LRP8: variants seen among roughly 807,000 people sequenced by gnomAD.
LRP8 encodes low-density lipoprotein receptor-related protein 8.
In LRP8, 46 loss-of-function variants were observed where a neutral mutation model predicts 111.6. That is an observed-to-expected ratio of 0.41 (90% CI 0.33 to 0.53). The LOEUF (loss-of-function observed/expected upper bound fraction) is 0.53. Ranked by LOEUF, LRP8 falls within the 20% of genes least tolerant of loss-of-function variation. The pLI is 0.20. For missense variants in LRP8, 959 were observed against 1,297.4 expected, an observed-to-expected ratio of 0.74 and a Z score of 4.01; for synonymous variants, 464 against 511.2, an observed-to-expected ratio of 0.91 and a Z score of 1.24.
chr1:53,302,943 A>T (rs1038123104), intron 2 of LRP8, among the ~76,000 whole-genome samples: 4 of 151,198 alleles, frequency 2.6e-5, no homozygotes, highest in Non-Finnish European at 5.9e-5. Flanking sequence ...CAGGTGATCC[A>T]GAGTCAGGGC....
chr1:53,259,204 T>C (rs1465151582), intron 13 of LRP8, among the ~76,000 whole-genome samples: 2 of 152,244 alleles, frequency 1.3e-5, no homozygotes, highest in African/African-American at 2.4e-5. Context: ...CTCAAACTCC[T>C]GGGCTTAAGA....
chr1:53,302,608 G>A (rs907693027), intron 2 of LRP8, among the ~76,000 whole-genome samples: 1 of 151,802 alleles, frequency 6.6e-6, no homozygotes, highest in East Asian at 1.9e-4. Flanking sequence ...TCCACCTCTC[G>A]CTTTTTCCTT....
At position 53,326,952 on chromosome 1, in the gene LRP8, C is replaced by G. The variant is rs766135174; in HGVS notation, c.165G>C (p.Arg55=). Residue 55 remains arginine, a synonymous_variant, in exon 2 of 19, where the codon CGG becomes CGC. Coordinates refer to ENST00000306052, the MANE Select transcript of LRP8 (RefSeq NM_004631.5). ...KDCEKDQFQC[R]NERCIPSVWR... The stretch of plus-strand genomic sequence containing the variant: ...ACACAGAGGGGATGCAGCGCTCGTT[C>G]CGGCACTGGAATTGGTCCTTTTCGC... The G allele has an allele frequency of 6.8e-6, 11 of 1,613,760 alleles. No individual in the cohort carries two copies. Among genetic ancestry groups the G allele is most frequent in the Non-Finnish European group, 8.5e-6 (10 of 1,180,010 alleles).
At position 53,243,843 on chromosome 1, in the gene LRP8, T is replaced by C. The variant is rs896169097; in HGVS notation, c.*3175A>G. 2.0e-5 allele frequency: 3 copies of C among 152,376 alleles called. No homozygotes were observed. Among genetic ancestry groups the C allele is most frequent in the Non-Finnish European group, 2.9e-5 (2 of 68,052 alleles). 9.4% of individuals were successfully genotyped at this position (152,376 alleles called of 1,614,324 possible). On this transcript the variant is annotated 3_prime_UTR_variant, in exon 19 of 19. Coordinates refer to ENST00000306052, the MANE Select transcript of LRP8 (RefSeq NM_004631.5). ...TCTCCTTTGAGCCCTAACAGTGCTC[T>C]GAATAGAATCAATGCCTTTTTTGTT...
Position 53,242,607 on chromosome 1 carries a change from A to G in LRP8, c.*4411T>C, listed in dbSNP as rs1343889380. 1 of 152,208 alleles carries G rather than the reference A, an allele frequency of 6.6e-6. No homozygotes were observed. The highest frequency in any genetic ancestry group is 1.5e-5 in the Non-Finnish European group (1 of 68,032). 9.4% of individuals were successfully genotyped at this position (152,208 alleles called of 1,614,324 possible). ...AGTTAGTGTGACACAACATTCTAAC[A>G]TGCCTGATTCTTACATCAAATATGG... On this transcript the variant is annotated 3_prime_UTR_variant, in exon 19 of 19. Transcript: ENST00000306052.
chr1:53,255,291 A>C lies in LRP8; in HGVS notation c.2435-106T>G. On this transcript the variant is annotated intron_variant, in intron 15 of 18. Transcript: ENST00000306052. ...CCCAACTGCTGCTCATCCTCATTCTAAAATGATGATCCTGGCTGTTGCCTA... is the reference window on the plus strand; with the variant it reads ...CCCAACTGCTGCTCATCCTCATTCTCAAATGATGATCCTGGCTGTTGCCTA... 4 of 912,774 alleles carry C rather than the reference A, an allele frequency of 4.4e-6. No individual in the cohort carries two copies. The South Asian group carries it at 5.6e-5, about 13-fold the overall frequency. 56.5% of individuals were successfully genotyped at this position (912,774 alleles called of 1,614,324 possible).
At chr1:53,281,541 G>A (rs907015107) in intron 3 of LRP8, among the ~76,000 whole-genome samples, 3 of 152,216 alleles carry the variant, frequency 2.0e-5, no homozygotes, top group African/African-American at 7.2e-5. Context: ...TCTAGGATGT[G>A]CCAGGCATGG....
intron 2 of LRP8, among the ~76,000 whole-genome samples, chr1:53,290,826 C>CCCCA (rs1341145046): frequency 1.3e-5 from 2 of 152,102 alleles, no homozygotes; most frequent in African/African-American, 4.8e-5. Context: ...GCCTGGCTAC[C>CCCCA]CCCAGTAGGT....
Position 53,242,858 on chromosome 1 carries a change from T to TATACACACAC in LRP8, c.*4159_*4160insGTGTGTGTAT, listed in dbSNP as rs56722919. On this transcript the variant is annotated 3_prime_UTR_variant, in exon 19 of 19. Transcript: ENST00000306052. ...TTAAATATATATATATATATATATA[T>TATACACACAC]ACACACACACACACGTGGCTTTTTA... 4.3e-5 allele frequency: 6 copies of TATACACACAC among 140,572 alleles called. No individual in the cohort carries two copies. In the East Asian group the frequency reaches 6.1e-4, roughly 14 times the overall value. 8.7% of individuals were successfully genotyped at this position (140,572 alleles called of 1,614,324 possible). A position where few individuals can be genotyped will look rare whatever the true frequency, so the allele number is the denominator to read the frequency against.
chr1:53,310,960 C>G (rs1212283146), intron 2 of LRP8, among the ~76,000 whole-genome samples: 11 of 152,292 alleles, frequency 7.2e-5, no homozygotes, highest in Admixed American at 2.0e-4. Flanking sequence ...CGGGTCATGC[C>G]TGCCCAGCCC....
intron 2 of LRP8, among the ~76,000 whole-genome samples, chr1:53,306,393 T>C (rs1651965767): frequency 6.6e-6 from 1 of 152,208 alleles, no homozygotes; most frequent in Admixed American, 6.5e-5. Context: ...CATCCTTTTC[T>C]CCAGGCATGT....
rs1647180841 is a variant in LRP8, at chr1:53,283,410, G to GCATACCCGGGTCACTTACTTACTA, written c.368-2696_368-2695insTAGTAAGTAAGTGACCCGGGTATG. Among the ~76,000 whole-genome samples, 5 of 145,390 alleles carry GCATACCCGGGTCACTTACTTACTA rather than the reference G, an allele frequency of 3.4e-5. No individual in the cohort carries two copies. The South Asian group carries it at 1.1e-3, about 32-fold the overall frequency. On this transcript the variant is annotated intron_variant, in intron 3 of 18. Transcript: ENST00000306052. ...ATTCACAAAGGTCATCACATAAGTG[G>GCATACCCGGGTCACTTACTTACTA]CATACCCGGGCCACTTACTTACTAC...
In LRP8 at chr1:53,257,271, T is replaced by C. The variant is rs781379073; in HGVS notation, c.2403A>G (p.Leu801=). The stretch of plus-strand genomic sequence containing the variant: ...GGGAGTGGTTGCTGGTTGCAGGGCT[T>C]AGGGTAGACGGGCTGATGCTGGGAG... The part of the protein sequence containing the change: ...PRAPSISPST[L]SPATSNHSQH... The change falls in exon 15 of 19, where the codon CTA becomes CTG. Residue 801 remains leucine, a synonymous_variant. Coordinates refer to ENST00000306052, the MANE Select transcript of LRP8 (RefSeq NM_004631.5). 1 of 1,614,034 alleles carries C rather than the reference T, an allele frequency of 6.2e-7. No homozygotes were observed. Among genetic ancestry groups the C allele is most frequent in the Non-Finnish European group, 8.5e-7 (1 of 1,180,022 alleles).
chr1:53,318,085 T>C (rs1201479940), intron 2 of LRP8, among the ~76,000 whole-genome samples: 2 of 152,098 alleles, frequency 1.3e-5, no homozygotes, highest in African/African-American at 2.4e-5. Flanking sequence ...TAAGGACCAA[T>C]GAGTGAAAGG....
chr1:53,312,001 T>G (rs1653089779), intron 2 of LRP8, among the ~76,000 whole-genome samples: 1 of 152,192 alleles, frequency 6.6e-6, no homozygotes, highest in Non-Finnish European at 1.5e-5. Context: ...CTTCTTTCTA[T>G]TCATCATGAG....
intron 2 of LRP8, among the ~76,000 whole-genome samples, chr1:53,309,542 C>G (rs187132769): frequency 6.6e-6 from 1 of 152,282 alleles, no homozygotes; most frequent in African/African-American, 2.4e-5. Context: ...CAGTCACTGG[C>G]AGGAGCCCCT....
At chr1:53,264,060 G>T in intron 10 of LRP8, 109 bp downstream of exon 10, 1 of 1,064,850 alleles carries the variant, frequency 9.4e-7, no homozygotes, top group Non-Finnish European at 1.4e-6. Context: ...CATGGCCTGT[G>T]TCTGAGTGGC....
intron 18 of LRP8, among the ~76,000 whole-genome samples, chr1:53,248,294 A>T (rs1645789615): frequency 6.6e-6 from 1 of 152,214 alleles, no homozygotes; most frequent in Admixed American, 6.5e-5. Context: ...CCACCAGTGT[A>T]GATATTTAAG....
At chr1:53,290,369 C>G (rs1191622223) in intron 2 of LRP8, among the ~76,000 whole-genome samples, 3 of 152,078 alleles carry the variant, frequency 2.0e-5, no homozygotes, top group Admixed American at 6.6e-5. Flanking sequence ...ATTTTCTTAT[C>G]TATATAATAG....
Sources: allele counts gnomAD v4.1 joint callset (sites outside exome capture counted in the v4.1 genomes callset), GRCh38; gene constraint gnomAD v4.1.1; transcripts MANE v1.5; gene names NCBI Gene and HGNC (gene_info 2026-07-23, HGNC 2026-07-21).